Variants in CHRM3 observed in about 807,000 individuals in gnomAD.
CHRM3 encodes the protein cholinergic receptor muscarinic 3.
A neutral mutation model predicts 41.8 loss-of-function variants in CHRM3; 11 were observed. The observed-to-expected ratio is 0.26, with a 90% confidence interval of 0.17 to 0.44. The LOEUF (loss-of-function observed/expected upper bound fraction) is 0.44. CHRM3 is among the 20% of genes least tolerant of loss of function. CHRM3 has a pLI of 1.00. For synonymous variants in CHRM3, 297 were observed against 301.4 expected (o/e 0.99, Z 0.15); for missense variants, 571 against 745.4 (o/e 0.77, Z 2.72).
intron 3 of CHRM3, among the ~76,000 whole-genome samples, chr1:239,569,370 A>G (rs1401532141): frequency 2.6e-5 from 4 of 152,218 alleles, no homozygotes; most frequent in Non-Finnish European, 5.9e-5. Context: ...TACTTCACAA[A>G]TCAGGCCCCA....
chr1:239,893,800 A>G (rs1435723429), intron 6 of CHRM3, among the ~76,000 whole-genome samples: 4 of 151,778 alleles, frequency 2.6e-5, no homozygotes, highest in Non-Finnish European at 4.4e-5. Context: ...TCAAAATAAA[A>G]TTGTAGGGTT....
chr1:239,390,175 A>T (rs1658902516), intron 1 of CHRM3, among the ~76,000 whole-genome samples: 2 of 152,198 alleles, frequency 1.3e-5, no homozygotes, highest in Admixed American at 1.3e-4. Flanking sequence ...ATTGTAATCA[A>T]ATCCCTCTAC....
chr1:239,890,710 ATGG>A (rs1678483354), intron 6 of CHRM3, among the ~76,000 whole-genome samples: 1 of 152,210 alleles, frequency 6.6e-6, no homozygotes, highest in African/African-American at 2.4e-5. Flanking sequence ...TATGTACAAC[ATGG>A]TGCAGTGCAA....
chr1:239,541,649 C>A (rs978706667), intron 2 of CHRM3, among the ~76,000 whole-genome samples: 22 of 152,134 alleles, frequency 1.4e-4, no homozygotes, highest in African/African-American at 5.3e-4. Flanking sequence ...GTAGCTGGGA[C>A]TACAGGCGTG....
At position 239,480,543 on chromosome 1, in the gene CHRM3, A is replaced by ATTT. The variant is rs745979239; in HGVS notation, c.-520-12140_-520-12138dup. Among the ~76,000 whole-genome samples, 166 of 110,686 alleles carry ATTT rather than the reference A, an allele frequency of 1.5e-3. 1 individual carries two copies. The highest frequency in any genetic ancestry group is 2.8e-3 in the African/African-American group (69 of 24,728). The allele number at this position is 110,686 out of a possible 152,430, so 72.6% of individuals were successfully genotyped here. A position where few individuals can be genotyped will look rare whatever the true frequency, so the allele number is the denominator to read the frequency against. On this transcript the variant is annotated intron_variant, in intron 1 of 6. Coordinates refer to ENST00000676153, the MANE Select transcript of CHRM3 (RefSeq NM_001375978.1). ...ACTCAGGTAATCCTACGATAGCCCA[A>ATTT]TTTTTTTTTTTTTTTTTTTTTTTTT...
At chr1:239,597,926 G>A (rs781155593) in intron 3 of CHRM3, among the ~76,000 whole-genome samples, 22 of 150,306 alleles carry the variant, frequency 1.5e-4, no homozygotes, top group Non-Finnish European at 2.2e-4. Flanking sequence ...GAGAACAGGG[G>A]TCTCGTGCAG....
At chr1:239,397,082 C>G (rs758267845) in intron 1 of CHRM3, among the ~76,000 whole-genome samples, 1 of 152,136 alleles carries the variant, frequency 6.6e-6, no homozygotes, top group East Asian at 1.9e-4. Context: ...ACAAATACTA[C>G]CCCGGAAGTT....
chr1:239,684,776 G>GAAAGAAAGAAAGAAAGAAAGAAAGAA lies in CHRM3; in HGVS notation c.-147+6489_-147+6490insAAGAAAGAAAGAAAGAAAGAAAGAAA, dbSNP rs1336687441. 1.9e-3 allele frequency among the ~76,000 whole-genome samples: 118 copies of GAAAGAAAGAAAGAAAGAAAGAAAGAA among 61,158 alleles called. 2 individuals carry two copies. The highest frequency in any genetic ancestry group is 3.6e-3 in the Non-Finnish European group (89 of 24,568). 40.1% of individuals were successfully genotyped at this position (61,158 alleles called of 152,430 possible). Reference sequence around the variant, plus strand: ...AAAGAAAGAAAGAAAGAAAGAGAAAGAGAAAGAAAAGAGAAGAGAAGGAAA... The same window carrying GAAAGAAAGAAAGAAAGAAAGAAAGAA: ...AAAGAAAGAAAGAAAGAAAGAGAAAGAAAGAAAGAAAGAAAGAAAGAAAGAAAGAAAGAAAAGAGAAGAGAAGGAAA... On this transcript the variant is annotated intron_variant, in intron 5 of 6. Coordinates refer to ENST00000676153, the MANE Select transcript of CHRM3 (RefSeq NM_001375978.1).
chr1:239,472,905 G>A (rs1328450274), intron 1 of CHRM3, among the ~76,000 whole-genome samples: 1 of 152,006 alleles, frequency 6.6e-6, no homozygotes, highest in Admixed American at 6.6e-5. Context: ...GAAAACTATA[G>A]TTATTAAGGC....
chr1:239,879,266 G>A (rs1435423924), intron 6 of CHRM3, among the ~76,000 whole-genome samples: 1 of 152,152 alleles, frequency 6.6e-6, no homozygotes, highest in African/African-American at 2.4e-5. Context: ...AAAGTGCTGG[G>A]ATTACGGGTG....
intron 1 of CHRM3, among the ~76,000 whole-genome samples, chr1:239,404,719 AATATAT>A (rs67746016): frequency 0.065 from 6,334 of 97,250 alleles, 190 homozygotes; most frequent in Middle Eastern, 0.11. Flanking sequence ...GCTATATCTA[AATATAT>A]ATATATATAT....
intron 6 of CHRM3, among the ~76,000 whole-genome samples, chr1:239,852,547 T>C (rs1356649663): frequency 1.3e-5 from 2 of 152,166 alleles, no homozygotes; most frequent in African/African-American, 2.4e-5. Flanking sequence ...TATAAAGTCA[T>C]AGTAGCCAAG....
At chr1:239,704,102 G>A (rs1040805547) in intron 5 of CHRM3, 2 of 152,132 alleles carry the variant, frequency 1.3e-5, no homozygotes, top group African/African-American at 4.8e-5. Flanking sequence ...ATTGTTTAGG[G>A]AAGTTTCTGA....
intron 3 of CHRM3, among the ~76,000 whole-genome samples, chr1:239,565,515 TG>T (rs1278186813): frequency 6.6e-6 from 1 of 152,194 alleles, no homozygotes; most frequent in African/African-American, 2.4e-5. Flanking sequence ...GAAACTGTGT[TG>T]TTCTGTGCTA....
At chr1:239,465,795 A>AT (rs1482235937) in intron 1 of CHRM3, among the ~76,000 whole-genome samples, 1 of 151,844 alleles carries the variant, frequency 6.6e-6, no homozygotes. Context: ...TTACGTGAGA[A>AT]TTTTTTTTCA....
At chr1:239,425,573 A>C (rs1190355456) in intron 1 of CHRM3, among the ~76,000 whole-genome samples, 1 of 152,200 alleles carries the variant, frequency 6.6e-6, no homozygotes, top group Non-Finnish European at 1.5e-5. Context: ...GTAGGTGTTA[A>C]ATCAACAACT....
intron 4 of CHRM3, among the ~76,000 whole-genome samples, chr1:239,638,548 G>A (rs1483073821): frequency 6.6e-6 from 1 of 152,174 alleles, no homozygotes; most frequent in Non-Finnish European, 1.5e-5. Context: ...TTTTTTGGCT[G>A]CATGAATGTC....
chr1:239,772,661 A>G (rs556871560), intron 5 of CHRM3, among the ~76,000 whole-genome samples: 14 of 152,168 alleles, frequency 9.2e-5, no homozygotes, highest in African/African-American at 3.4e-4. Flanking sequence ...CTCATTTCCT[A>G]TCTTCCAGTC....
In CHRM3 at chr1:239,595,097, A is replaced by AAAAC. The variant is rs573054986; in HGVS notation, c.-312-37112_-312-37109dup. Among the ~76,000 whole-genome samples, 99 of 152,350 alleles carry AAAAC rather than the reference A, an allele frequency of 6.5e-4. 1 individual carries two copies. The South Asian group carries it at 0.014, about 22-fold the overall frequency. ...AGAGTGAAACTCTGTCTCAAAAAGA[A>AAAAC]AAACAAACAAACAAACAACAAAACG... On this transcript the variant is annotated intron_variant, in intron 3 of 6. Transcript: ENST00000676153.
Sources: allele counts gnomAD v4.1 joint callset (sites outside exome capture counted in the v4.1 genomes callset), GRCh38; gene constraint gnomAD v4.1.1; transcripts MANE v1.5; gene names NCBI Gene and HGNC (gene_info 2026-07-23, HGNC 2026-07-21).